The following NEDD4 variants were observed in gnomAD, a reference collection of about 807,000 sequenced individuals.
NEDD4 encodes E3 ubiquitin-protein ligase NEDD4.
A neutral mutation model predicts 144.9 loss-of-function variants in NEDD4; 99 were observed. The ratio of observed to expected loss-of-function variants is 0.68; its 90% CI spans 0.58 to 0.81. The LOEUF is 0.81. Among genes scored for constraint, NEDD4 ranks in the 30% least tolerant of loss-of-function variants. NEDD4 has a pLI of 0.00. For synonymous variants in NEDD4, 318 were observed against 350.6 expected, an observed-to-expected ratio of 0.91 and a Z score of 1.04; for missense variants, 985 against 1,065.9, an observed-to-expected ratio of 0.92 and a Z score of 1.06.
Position 55,951,504 on chromosome 15 carries a change from G to A in NEDD4, c.198+7C>T. The A allele has an allele frequency of 6.6e-7, 1 of 1,514,326 alleles. No homozygotes were observed. Among genetic ancestry groups the A allele is most frequent in the Non-Finnish European group, 8.8e-7 (1 of 1,133,140 alleles). The allele number at this position is 1,514,326 out of a possible 1,614,324, so 93.8% of individuals were successfully genotyped here. ...ATTAAAAACTTTTGAATATTGCTAA[G>A]TCTAACCTTTTTAATGGTTTTTGTT... On this transcript the variant is annotated splice_region_variant and intron_variant, in intron 3 of 28. Coordinates refer to ENST00000435532, the MANE Select transcript of NEDD4 (RefSeq NM_006154.4).
chr15:55,860,034 C>G (rs1403852828), intron 11 of NEDD4, among the ~76,000 whole-genome samples: 4 of 152,202 alleles, frequency 2.6e-5, no homozygotes, highest in African/African-American at 7.2e-5. Flanking sequence ...TCCTAAAACC[C>G]TCTTCAAAAT....
intron 5 of NEDD4, among the ~76,000 whole-genome samples, chr15:55,922,063 T>C (rs11853902): frequency 0.012 from 1,804 of 152,340 alleles, 18 homozygotes; most frequent in Non-Finnish European, 0.019. Flanking sequence ...TACCATGATC[T>C]AGCAATTCAA....
intron 2 of NEDD4, among the ~76,000 whole-genome samples, chr15:55,954,091 C>T (rs759793936): frequency 8.6e-5 from 13 of 151,698 alleles, no homozygotes; most frequent in Non-Finnish European, 1.5e-4. Flanking sequence ...TTTAGATCCA[C>T]TCCTATGAAA....
chr15:55,968,563 T>C (rs2037555566), intron 1 of NEDD4, among the ~76,000 whole-genome samples: 1 of 152,144 alleles, frequency 6.6e-6, no homozygotes, highest in Non-Finnish European at 1.5e-5. Context: ...GAATAACTCC[T>C]AAAAATCAAT....
chr15:55,895,863 T>C (rs1213390606), intron 5 of NEDD4, among the ~76,000 whole-genome samples: 1 of 152,220 alleles, frequency 6.6e-6, no homozygotes, highest in African/African-American at 2.4e-5. Flanking sequence ...CTCAAAAGTT[T>C]ATTTCCTACA....
intron 1 of NEDD4, among the ~76,000 whole-genome samples, chr15:55,967,683 A>G (rs1204172134): frequency 6.6e-6 from 1 of 151,372 alleles, no homozygotes; most frequent in African/African-American, 2.4e-5. Context: ...CTATTAGAAC[A>G]GAAATAAAAT....
intron 5 of NEDD4, among the ~76,000 whole-genome samples, chr15:55,922,722 A>C (rs1222619110): frequency 1.3e-5 from 2 of 152,172 alleles, no homozygotes; most frequent in Admixed American, 1.3e-4. Context: ...AAAGCAAAGA[A>C]TGATAAAAAC....
At position 55,951,591 on chromosome 15, in the gene NEDD4, T is replaced by C. The variant is rs1566966326; in HGVS notation, c.120-2A>G. 8.2e-6 allele frequency: 11 copies of C among 1,335,000 alleles called. No individual in the cohort carries two copies. The highest frequency in any genetic ancestry group is 1.1e-5 in the Non-Finnish European group (11 of 1,043,348). 82.7% of individuals were successfully genotyped at this position (1,335,000 alleles called of 1,614,324 possible). A position where few individuals can be genotyped will look rare whatever the true frequency, so the allele number is the denominator to read the frequency against. On this transcript the variant is annotated splice_acceptor_variant, in intron 2 of 28. Coordinates refer to ENST00000435532, the MANE Select transcript of NEDD4 (RefSeq NM_006154.4). LOFTEE classifies it high-confidence loss of function. ...AACGTCACTCTCACGTAAGGATCACTGTTAAAAAAAAAAAAAAAAAGAAAG... is the reference window on the plus strand; with the variant it reads ...AACGTCACTCTCACGTAAGGATCACCGTTAAAAAAAAAAAAAAAAAGAAAG...
rs562279835 is a variant in NEDD4 at position 55,943,752 on chromosome 15, G to T, written c.237+7624C>A. Among the ~76,000 whole-genome samples the T allele has an allele frequency of 3.9e-5, 6 of 152,298 alleles. No individual in the cohort carries two copies. The South Asian group carries it at 1.2e-3, about 32-fold the overall frequency. On this transcript the variant is annotated intron_variant, in intron 4 of 28. Coordinates refer to ENST00000435532, the MANE Select transcript of NEDD4 (RefSeq NM_006154.4). Reference sequence around the variant, plus strand: ...GAGTCCCCACACAGGGTTCCCACTGGGACACTGCCTAGTGGAGCTGTGAGA... The same window carrying T: ...GAGTCCCCACACAGGGTTCCCACTGTGACACTGCCTAGTGGAGCTGTGAGA...
chr15:55,834,509 G>A (rs1460995036), intron 24 of NEDD4, among the ~76,000 whole-genome samples: 2 of 144,046 alleles, frequency 1.4e-5, no homozygotes, highest in African/African-American at 5.1e-5. Flanking sequence ...AAAACTTCCT[G>A]TGGCCAGACG....
chr15:55,840,812 T>C, intron 19 of NEDD4, 85 bp from the exon 20 acceptor site: 2 of 1,367,542 alleles, frequency 1.5e-6, no homozygotes, highest in East Asian at 4.6e-5. Context: ...CCTTTAAGAG[T>C]TGTTTACCAC....
At chr15:55,991,762 T>C (rs12913423) in intron 1 of NEDD4, among the ~76,000 whole-genome samples, 25,034 of 152,240 alleles carry the variant, frequency 0.16, 2,424 homozygotes, top group African/African-American at 0.26. Flanking sequence ...GTGGAGTTTC[T>C]GGCCTTTGGC....
intron 2 of NEDD4, among the ~76,000 whole-genome samples, chr15:55,953,790 G>C (rs189624852): frequency 6.6e-6 from 1 of 152,060 alleles, no homozygotes; most frequent in African/African-American, 2.4e-5. Context: ...GCACGATCTC[G>C]GCTCACTGCA....
chr15:55,931,147 T>C (rs377461942), intron 4 of NEDD4, among the ~76,000 whole-genome samples: 1 of 152,218 alleles, frequency 6.6e-6, no homozygotes. Flanking sequence ...TAAAAGATGA[T>C]AAAGCAATGT....
intron 8 of NEDD4, 88 bp from the exon 9 acceptor site, chr15:55,863,167 T>A: frequency 8.5e-7 from 1 of 1,182,688 alleles, no homozygotes; most frequent in Non-Finnish European, 1.1e-6. Context: ...AAAAGAGATT[T>A]ATTATATCAA....
At chr15:55,992,762 T>C (rs1284872994) in intron 1 of NEDD4, among the ~76,000 whole-genome samples, 1 of 152,242 alleles carries the variant, frequency 6.6e-6, no homozygotes, top group African/African-American at 2.4e-5. Context: ...GTTATTTAGC[T>C]GAAAAGAAAC....
chr15:55,846,869 G>T, intron 18 of NEDD4, 100 bp downstream of exon 18: 2 of 707,528 alleles, frequency 2.8e-6, no homozygotes, highest in South Asian at 2.4e-5. Flanking sequence ...ACTCAAAGTT[G>T]TTACAAATAT....
At chr15:55,899,979 G>T (rs2035862047) in intron 5 of NEDD4, among the ~76,000 whole-genome samples, 1 of 151,910 alleles carries the variant, frequency 6.6e-6, no homozygotes, top group Non-Finnish European at 1.5e-5. Flanking sequence ...TAAGATCTTA[G>T]TTTTAGTTCT....
Position 55,915,966 on chromosome 15 carries a change from C to A in NEDD4, c.291+8680G>T, listed in dbSNP as rs749479659. 1.9e-6 allele frequency: 3 copies of A among 1,613,760 alleles called. No individual in the cohort carries two copies. The African/African-American group carries it at 4.0e-5, about 22-fold the overall frequency. ...GTGTGAAGTTTGATAGGATCCTTTGCTCAGAAGAGTACACAGACTTGTTGG... is the reference window on the plus strand; with the variant it reads ...GTGTGAAGTTTGATAGGATCCTTTGATCAGAAGAGTACACAGACTTGTTGG... On this transcript the variant is annotated intron_variant, in intron 5 of 28. Transcript: ENST00000435532.
Sources: allele counts gnomAD v4.1 joint callset (sites outside exome capture counted in the v4.1 genomes callset), GRCh38; gene constraint gnomAD v4.1.1; transcripts MANE v1.5; gene names NCBI Gene and HGNC (gene_info 2026-07-23, HGNC 2026-07-21).